The following KIF26B variants were observed in gnomAD, a reference collection of about 807,000 sequenced individuals.
KIF26B encodes kinesin-like protein KIF26B.
Under a neutral mutation model 151.2 loss-of-function variants are expected in KIF26B, and 63 were observed. That is an observed-to-expected ratio of 0.42 (90% CI 0.34 to 0.51). KIF26B has a LOEUF of 0.51. Among genes scored for constraint, KIF26B ranks in the 20% least tolerant of loss-of-function variants. The probability of loss-of-function intolerance (pLI) is 0.07; values close to 1 mark genes in which losing one functional copy is unlikely to be tolerated. For missense variants in KIF26B, 2,813 were observed against 2,913.6 expected (o/e 0.97, Z 0.79); for synonymous variants, 1,357 against 1,262.1 (o/e 1.08, Z -1.59).
intron 10 of KIF26B, among the ~76,000 whole-genome samples, chr1:245,653,975 A>T (rs893644339): frequency 3.3e-5 from 5 of 152,148 alleles, no homozygotes; most frequent in African/African-American, 1.2e-4. Flanking sequence ...AGGTGGAAGG[A>T]TCGCTTGAAC....
intron 10 of KIF26B, among the ~76,000 whole-genome samples, chr1:245,656,265 C>T (rs1041567665): frequency 3.3e-5 from 5 of 152,078 alleles, no homozygotes; most frequent in African/African-American, 1.2e-4. Flanking sequence ...TGGCACAGAG[C>T]GGTGATTCTC....
rs535537699 is a variant in KIF26B at position 245,649,123 on chromosome 1, C to G, written c.2258+2843C>G. ...CAGTGTCCTAATGCCCTTCATTGTA[C>G]GTGATCTTAAAAAGACCCTTGCCGA... On this transcript the variant is annotated intron_variant, in intron 10 of 14. Coordinates refer to ENST00000407071, the MANE Select transcript of KIF26B (RefSeq NM_018012.4). Among the ~76,000 whole-genome samples, 4 of 152,328 alleles carry G rather than the reference C, an allele frequency of 2.6e-5. 1 individual carries two copies. In the South Asian group the frequency reaches 6.2e-4, roughly 24 times the overall value.
chr1:245,242,854 G>A (rs1670235263), intron 2 of KIF26B, among the ~76,000 whole-genome samples: 3 of 152,128 alleles, frequency 2.0e-5, no homozygotes, highest in Admixed American at 2.0e-4. Flanking sequence ...GTTTCACCAT[G>A]TTGCTCAGGC....
chr1:245,231,531 A>C (rs1170105299), intron 2 of KIF26B, among the ~76,000 whole-genome samples: 1 of 152,152 alleles, frequency 6.6e-6, no homozygotes, highest in Non-Finnish European at 1.5e-5. Flanking sequence ...AAAATAAATA[A>C]AACTAGAATC....
intron 2 of KIF26B, among the ~76,000 whole-genome samples, chr1:245,285,845 A>G (rs1359611136): frequency 1.3e-5 from 2 of 151,854 alleles, no homozygotes; most frequent in Non-Finnish European, 2.9e-5. Flanking sequence ...AATGAAAAAT[A>G]AAAATTAGCC....
chr1:245,214,459 A>G (rs144486977), intron 2 of KIF26B, among the ~76,000 whole-genome samples: 12 of 152,352 alleles, frequency 7.9e-5, no homozygotes, highest in Middle Eastern at 3.4e-3. Context: ...TGTATCCACA[A>G]TCTGGCCTAA....
intron 2 of KIF26B, among the ~76,000 whole-genome samples, chr1:245,283,413 T>G (rs1671101223): frequency 6.6e-6 from 1 of 152,048 alleles, no homozygotes; most frequent in Non-Finnish European, 1.5e-5. Context: ...TCATGATGAG[T>G]ACCTTTCACC....
At chr1:245,440,881 CACAG>C (rs1659063637) in intron 4 of KIF26B, among the ~76,000 whole-genome samples, 1 of 152,152 alleles carries the variant, frequency 6.6e-6, no homozygotes, top group Admixed American at 6.5e-5. Context: ...GGGACAGTCT[CACAG>C]GCAGGCTGCC....
intron 4 of KIF26B, among the ~76,000 whole-genome samples, chr1:245,467,416 C>G (rs971378714): frequency 2.0e-5 from 3 of 152,128 alleles, no homozygotes; most frequent in African/African-American, 7.2e-5. Context: ...AGATGAAAAT[C>G]TGGTTCCTGG....
rs980872376 is a variant in KIF26B, at chr1:245,403,800, G to A, written c.1000-15779G>A. On this transcript the variant is annotated intron_variant, in intron 3 of 14. Transcript: ENST00000407071. ...CATAGTTTTTAATACTTACTCTAAG[G>A]GTACTATTTAGGGAAGTAAAAGTTA... is the stretch of plus-strand genomic sequence containing the variant. 5.9e-5 allele frequency among the ~76,000 whole-genome samples: 9 copies of A among 152,282 alleles called. No individual in the cohort carries two copies. In the East Asian group the frequency reaches 1.7e-3, roughly 29 times the overall value.
At chr1:245,179,241 A>G (rs563489287) in intron 2 of KIF26B, among the ~76,000 whole-genome samples, 195 of 152,226 alleles carry the variant, frequency 1.3e-3, no homozygotes, top group Non-Finnish European at 2.1e-3. Flanking sequence ...ACGTGACCTC[A>G]TTAAGTCATT....
chr1:245,689,009 C>T (rs941596188), intron 12 of KIF26B, among the ~76,000 whole-genome samples: 11 of 152,272 alleles, frequency 7.2e-5, no homozygotes, highest in Non-Finnish European at 1.6e-4. Flanking sequence ...CCTCTCCTTT[C>T]CCACGGCCCG....
At chr1:245,665,954 G>A (rs2044208791) in intron 10 of KIF26B, among the ~76,000 whole-genome samples, 1 of 150,470 alleles carries the variant, frequency 6.6e-6, no homozygotes, top group South Asian at 2.1e-4. Context: ...CCAAAGTCCT[G>A]GCATTACAGG....
chr1:245,155,414 G>C lies in KIF26B; in HGVS notation c.-11G>C, dbSNP rs1668411411. On this transcript the variant is annotated 5_prime_UTR_variant, in exon 1 of 15. Transcript: ENST00000407071. ...TGGAACCTTTAGATACTCTCCTCTG[G>C]AAAAGCCACCATGAATTCGGTAGCT... 6.2e-7 allele frequency: 1 copy of C among 1,607,368 alleles called. No individual in the cohort carries two copies. The highest frequency in any genetic ancestry group is 1.3e-5 in the African/African-American group (1 of 74,796).
intron 2 of KIF26B, among the ~76,000 whole-genome samples, chr1:245,290,916 G>T (rs745717580): frequency 6.6e-6 from 1 of 152,234 alleles, no homozygotes; most frequent in Non-Finnish European, 1.5e-5. Flanking sequence ...TGGCCCAGCT[G>T]GTCAGTGCTG....
At chr1:245,289,380 C>T (rs536014033) in intron 2 of KIF26B, among the ~76,000 whole-genome samples, 8 of 152,272 alleles carry the variant, frequency 5.3e-5, no homozygotes, top group African/African-American at 1.9e-4. Flanking sequence ...TGATTTTCGA[C>T]TCGGCAAGTG....
intron 8 of KIF26B, 101 bp downstream of exon 8, chr1:245,609,629 G>T: frequency 3.1e-6 from 4 of 1,270,152 alleles, no homozygotes; most frequent in Non-Finnish European, 4.2e-6. Context: ...TAAACTCAGA[G>T]GCTTACGGGT....
At chr1:245,633,271 C>G (rs574886928) in intron 9 of KIF26B, among the ~76,000 whole-genome samples, 2 of 142,624 alleles carry the variant, frequency 1.4e-5, no homozygotes, top group African/African-American at 2.6e-5. Flanking sequence ...AGACAGCATA[C>G]AGTTGGGTCT....
rs192113331 is a variant in KIF26B, at chr1:245,695,486, T to A, written c.5825-2620T>A. Reference sequence around the variant, plus strand: ...ACTGAGTATCAATCCATTCACGGGATTGAGGTTCTGGTACCCAAATTCAGA... The same window carrying A: ...ACTGAGTATCAATCCATTCACGGGAATGAGGTTCTGGTACCCAAATTCAGA... On this transcript the variant is annotated intron_variant, in intron 12 of 14. Transcript: ENST00000407071. Among the ~76,000 whole-genome samples the A allele has an allele frequency of 2.0e-3, 302 of 152,254 alleles. 1 individual carries two copies. Among genetic ancestry groups the A allele is most frequent in the Admixed American group, 3.6e-3 (55 of 15,294 alleles).
Sources: gnomAD v4.1 joint callset for allele counts (sites outside exome capture counted in the v4.1 genomes callset) on GRCh38, gnomAD v4.1.1 for gene constraint, MANE v1.5 for transcripts, NCBI Gene and HGNC (gene_info 2026-07-23, HGNC 2026-07-21) for gene names.